Variants in ESRRG observed in about 807,000 individuals in gnomAD.
The protein encoded by ESRRG is estrogen-related receptor gamma.
A neutral mutation model predicts 44.0 loss-of-function variants in ESRRG; 13 were observed. That is an observed-to-expected ratio of 0.30 (90% CI 0.19 to 0.47). The LOEUF (loss-of-function observed/expected upper bound fraction) is 0.47, where lower values mean the gene tolerates loss of function less well. Ranked by LOEUF, ESRRG falls within the 20% of genes least tolerant of loss-of-function variation. The pLI, the probability that ESRRG is intolerant of heterozygous loss-of-function variation, is 1.00. For synonymous variants in ESRRG, 215 were observed against 214.6 expected (o/e 1.00, Z -0.02); for missense variants, 395 against 580.6 (o/e 0.68, Z 3.29).
intron 1 of ESRRG, among the ~76,000 whole-genome samples, chr1:216,721,174 G>C (rs920166857): frequency 6.6e-6 from 1 of 152,140 alleles, no homozygotes; most frequent in Non-Finnish European, 1.5e-5. Flanking sequence ...TACATAGTTA[G>C]AGGTTAACAT....
In ESRRG at chr1:217,046,187, G is replaced by T. The variant is rs541458655; in HGVS notation, c.-106+43320C>A. Among the ~76,000 whole-genome samples, 16 of 150,974 alleles carry T rather than the reference G, an allele frequency of 1.1e-4. No individual in the cohort carries two copies. In the East Asian group the frequency reaches 3.1e-3, roughly 29 times the overall value. On this transcript the variant is annotated intron_variant, in intron 1 of 7. Transcript: ENST00000359162. The stretch of plus-strand genomic sequence containing the variant: ...TCAAAAAAAAAAAAACCTAAAATTA[G>T]TGCTAACTTTTTCTACTTATACCCC...
At chr1:217,044,100 T>G (rs2084397453) in intron 1 of ESRRG, among the ~76,000 whole-genome samples, 1 of 152,196 alleles carries the variant, frequency 6.6e-6, no homozygotes, top group African/African-American at 2.4e-5. Flanking sequence ...AGGCAATAAT[T>G]GGCTTTCAAG....
chr1:216,658,956 T>C (rs1318069588), intron 2 of ESRRG, among the ~76,000 whole-genome samples: 2 of 151,788 alleles, frequency 1.3e-5, no homozygotes, highest in Non-Finnish European at 2.9e-5. Context: ...AATGCAAACC[T>C]AGGTTCAAGT....
At chr1:216,990,607 C>T (rs1352911194) in intron 1 of ESRRG, among the ~76,000 whole-genome samples, 1 of 152,124 alleles carries the variant, frequency 6.6e-6, no homozygotes, top group African/African-American at 2.4e-5. Context: ...TCAGCCTACT[C>T]AATGTGAAGA....
At chr1:216,822,932 G>T (rs1437989782) in intron 2 of ESRRG, among the ~76,000 whole-genome samples, 2 of 152,106 alleles carry the variant, frequency 1.3e-5, no homozygotes, top group Non-Finnish European at 2.9e-5. Flanking sequence ...CAAAAACAAT[G>T]CTCCCATCTA....
intron 3 of ESRRG, among the ~76,000 whole-genome samples, chr1:216,648,588 A>G (rs1451729717): frequency 6.6e-6 from 1 of 152,184 alleles, no homozygotes; most frequent in Non-Finnish European, 1.5e-5. Flanking sequence ...AGAAATCACA[A>G]TGGAAAAAAT....
At chr1:216,984,073 G>A (rs529542842) in intron 1 of ESRRG, among the ~76,000 whole-genome samples, 68 of 152,022 alleles carry the variant, frequency 4.5e-4, no homozygotes, top group African/African-American at 1.2e-3. Flanking sequence ...GGAGGCTCAA[G>A]CACTATAAAT....
chr1:216,768,404 A>G (rs1052416726), intron 2 of ESRRG, among the ~76,000 whole-genome samples: 3 of 152,268 alleles, frequency 2.0e-5, no homozygotes, highest in Admixed American at 2.0e-4. Context: ...TTGACTGCAT[A>G]TAATTATCCT....
intron 1 of ESRRG, among the ~76,000 whole-genome samples, chr1:217,135,167 G>A (rs973216984): frequency 2.6e-5 from 4 of 152,212 alleles, no homozygotes; most frequent in African/African-American, 9.6e-5. Flanking sequence ...GTCTCCATCT[G>A]GACGCACCTC....
At chr1:216,979,826 A>C (rs1025648) in intron 1 of ESRRG, among the ~76,000 whole-genome samples, 1 of 151,908 alleles carries the variant, frequency 6.6e-6, no homozygotes, top group Non-Finnish European at 1.5e-5. Flanking sequence ...TATTATATAG[A>C]CAGCTTGCCC....
At chr1:217,017,734 T>TA (rs2079633109) in intron 1 of ESRRG, among the ~76,000 whole-genome samples, 2 of 152,084 alleles carry the variant, frequency 1.3e-5, no homozygotes, top group African/African-American at 4.8e-5. Flanking sequence ...TTAATTAAAA[T>TA]AAAAAATTCT....
chr1:216,952,497 A>C (rs1578581467), intron 1 of ESRRG, among the ~76,000 whole-genome samples: 1 of 152,110 alleles, frequency 6.6e-6, no homozygotes, highest in Admixed American at 6.6e-5. Flanking sequence ...ACAGAGCACT[A>C]GGTTTGTTAT....
intron 1 of ESRRG, among the ~76,000 whole-genome samples, chr1:216,996,667 C>G (rs2076409982): frequency 6.6e-6 from 1 of 152,120 alleles, no homozygotes; most frequent in Non-Finnish European, 1.5e-5. Context: ...GCATTATACT[C>G]AAAAAGTGCT....
At chr1:216,597,517 T>C (rs2058615091) in intron 3 of ESRRG, among the ~76,000 whole-genome samples, 1 of 152,164 alleles carries the variant, frequency 6.6e-6, no homozygotes, top group Non-Finnish European at 1.5e-5. Context: ...CTAACATGTG[T>C]TATGTAACTT....
chr1:217,082,460 A>C (rs937390183), intron 1 of ESRRG, among the ~76,000 whole-genome samples: 1 of 152,244 alleles, frequency 6.6e-6, no homozygotes, highest in African/African-American at 2.4e-5. Flanking sequence ...TAATTTCTCA[A>C]AATCATACGG....
At chr1:216,929,795 A>G (rs1440614584) in intron 2 of ESRRG, among the ~76,000 whole-genome samples, 1 of 151,754 alleles carries the variant, frequency 6.6e-6, no homozygotes, top group African/African-American at 2.4e-5. Flanking sequence ...ATTGGACCAG[A>G]CCCCCCAGGT....
chr1:216,807,715 T>TA (rs35032983), intron 2 of ESRRG, among the ~76,000 whole-genome samples: 58,630 of 147,052 alleles, frequency 0.4, 11,934 homozygotes, highest in Admixed American at 0.47. Flanking sequence ...CCTTTGCCAA[T>TA]AAAAAAAAAA....
intron 5 of ESRRG, among the ~76,000 whole-genome samples, chr1:216,531,605 C>T (rs1353796391): frequency 3.3e-5 from 5 of 152,082 alleles, no homozygotes; most frequent in South Asian, 2.1e-4. Flanking sequence ...ACACAGCTCT[C>T]GGAATTCCTC....
intron 1 of ESRRG, among the ~76,000 whole-genome samples, chr1:217,020,840 G>C (rs2080188718): frequency 6.6e-6 from 1 of 152,072 alleles, no homozygotes; most frequent in Admixed American, 6.6e-5. Context: ...ATAAATTACT[G>C]AGAGAATCTC....
Sources: gnomAD v4.1 joint callset for allele counts (sites outside exome capture counted in the v4.1 genomes callset) on GRCh38, gnomAD v4.1.1 for gene constraint, MANE v1.5 for transcripts, NCBI Gene and HGNC (gene_info 2026-07-23, HGNC 2026-07-21) for gene names.